Variants in ZMAT4 observed in about 807,000 individuals in gnomAD.
The protein encoded by ZMAT4 is zinc finger matrin-type 4, also known as zinc finger matrin-type protein 4.
ZMAT4 carries 17 observed loss-of-function variants against 28.7 expected under a neutral mutation model. The observed-to-expected ratio is 0.59, with a 90% confidence interval of 0.41 to 0.89. The LOEUF (loss-of-function observed/expected upper bound fraction) is 0.89. Ranked by LOEUF, ZMAT4 falls within the 40% of genes least tolerant of loss-of-function variation. The pLI is 0.00. For synonymous variants in ZMAT4, 117 were observed against 109.2 expected (o/e 1.07, Z -0.44); for missense variants, 240 against 283.8 (o/e 0.85, Z 1.11).
chr8:40,601,429 G>A (rs866891304), intron 5 of ZMAT4, among the ~76,000 whole-genome samples: 1 of 103,054 alleles, frequency 9.7e-6, no homozygotes, highest in Non-Finnish European at 1.8e-5. Flanking sequence ...AGGAAGGAAG[G>A]AAGGAAGGAA....
At chr8:40,551,730 C>G (rs1213814787) in intron 6 of ZMAT4, among the ~76,000 whole-genome samples, 3 of 152,166 alleles carry the variant, frequency 2.0e-5, no homozygotes, top group Admixed American at 2.0e-4. Context: ...TAATACTAGT[C>G]TCTCACTTAG....
At chr8:40,565,352 G>C (rs995405650) in intron 6 of ZMAT4, among the ~76,000 whole-genome samples, 1 of 147,722 alleles carries the variant, frequency 6.8e-6, no homozygotes. Flanking sequence ...CAACACAACA[G>C]CAAGTGCTGG....
intron 2 of ZMAT4, among the ~76,000 whole-genome samples, chr8:40,776,010 T>C (rs1399845000): frequency 6.6e-6 from 1 of 152,176 alleles, no homozygotes; most frequent in East Asian, 1.9e-4. Context: ...AAACCGACCC[T>C]GCTGCCACCT....
chr8:40,709,185 A>G (rs1376557915), intron 3 of ZMAT4, among the ~76,000 whole-genome samples: 2 of 152,098 alleles, frequency 1.3e-5, no homozygotes, highest in Non-Finnish European at 2.9e-5. Flanking sequence ...GAGAATATAA[A>G]TGCTATGCTA....
chr8:40,820,450 T>G (rs933732445), intron 2 of ZMAT4, among the ~76,000 whole-genome samples: 5 of 149,424 alleles, frequency 3.3e-5, no homozygotes, highest in East Asian at 2.0e-4. Context: ...TATTTGTGTG[T>G]GGGGTGTCTG....
intron 1 of ZMAT4, among the ~76,000 whole-genome samples, chr8:40,845,378 G>A (rs1252725030): frequency 2.0e-5 from 3 of 152,104 alleles, no homozygotes; most frequent in Non-Finnish European, 4.4e-5. Context: ...CACAGAAGAG[G>A]ACAAAAAGTT....
At chr8:40,780,762 C>T (rs1294946946) in intron 2 of ZMAT4, among the ~76,000 whole-genome samples, 1 of 151,986 alleles carries the variant, frequency 6.6e-6, no homozygotes, top group Non-Finnish European at 1.5e-5. Context: ...ATGTAATGTA[C>T]CACATTTATA....
chr8:40,654,312 G>A (rs1018563568), intron 5 of ZMAT4, among the ~76,000 whole-genome samples: 2 of 152,054 alleles, frequency 1.3e-5, no homozygotes, highest in African/African-American at 4.8e-5. Flanking sequence ...GTTCTGGATA[G>A]TGGTCCTCAC....
At chr8:40,715,193 G>C (rs1810797507) in intron 3 of ZMAT4, among the ~76,000 whole-genome samples, 1 of 152,164 alleles carries the variant, frequency 6.6e-6, no homozygotes, top group Non-Finnish European at 1.5e-5. Context: ...GAGAGGCCTT[G>C]AGCATGAGGT....
intron 5 of ZMAT4, among the ~76,000 whole-genome samples, chr8:40,600,582 T>C (rs1405016509): frequency 6.6e-6 from 1 of 152,224 alleles, no homozygotes; most frequent in Admixed American, 6.5e-5. Flanking sequence ...GAGGAAGTTC[T>C]AATTCTATGC....
intron 6 of ZMAT4, among the ~76,000 whole-genome samples, chr8:40,573,656 A>G (rs991100070): frequency 3.3e-5 from 5 of 152,194 alleles, no homozygotes; most frequent in African/African-American, 1.2e-4. Context: ...CACTATACAT[A>G]CAAAGTGCTA....
At chr8:40,812,776 CA>C (rs1202920184) in intron 2 of ZMAT4, among the ~76,000 whole-genome samples, 7 of 151,754 alleles carry the variant, frequency 4.6e-5, no homozygotes, top group Admixed American at 2.0e-4. Flanking sequence ...ATTAAAAATA[CA>C]AAAAATTAGC....
chr8:40,879,395 C>A (rs1818145397), intron 1 of ZMAT4, among the ~76,000 whole-genome samples: 1 of 152,174 alleles, frequency 6.6e-6, no homozygotes, highest in African/African-American at 2.4e-5. Context: ...TGCACTCCAG[C>A]CTGGGCAACA....
chr8:40,862,971 TA>T (rs869063889), intron 1 of ZMAT4, among the ~76,000 whole-genome samples: 116 of 147,162 alleles, frequency 7.9e-4, no homozygotes, highest in Admixed American at 2.4e-3. Context: ...AAATATAATT[TA>T]AAAAAAAAAG....
chr8:40,659,302 C>G lies in ZMAT4; in HGVS notation c.577+15402G>C, dbSNP rs916668482. On this transcript the variant is annotated intron_variant, in intron 5 of 6. Coordinates refer to ENST00000297737, the MANE Select transcript of ZMAT4 (RefSeq NM_024645.3). ...GAGTCAATAAATTTAGTAGACATTGCCCCTTGAGGGTAGAGAGCAAGTTTT... is the reference window on the plus strand; with the variant it reads ...GAGTCAATAAATTTAGTAGACATTGGCCCTTGAGGGTAGAGAGCAAGTTTT... 3.9e-5 allele frequency among the ~76,000 whole-genome samples: 6 copies of G among 152,106 alleles called. No homozygotes were observed. The South Asian group carries it at 1.2e-3, about 31-fold the overall frequency.
chr8:40,662,495 T>C (rs1217365393), intron 5 of ZMAT4, among the ~76,000 whole-genome samples: 1 of 152,138 alleles, frequency 6.6e-6, no homozygotes, highest in Admixed American at 6.5e-5. Context: ...AGTGCAAAAA[T>C]GATTTCATTT....
chr8:40,717,393 G>A (rs1277072509), intron 3 of ZMAT4, among the ~76,000 whole-genome samples: 1 of 152,118 alleles, frequency 6.6e-6, no homozygotes, highest in Non-Finnish European at 1.5e-5. Context: ...AGTGGCTCAC[G>A]CCTGTAATCC....
rs115859601 is a variant in ZMAT4, at chr8:40,820,243, C to T, written c.102+5332G>A. ...ATTTGTGTATGTGTGTGTACGTGTG[C>T]GCATATATGTGAGTATTGGTGTGTG... On this transcript the variant is annotated intron_variant, in intron 2 of 6. Transcript: ENST00000297737. Among the ~76,000 whole-genome samples, 923 of 137,856 alleles carry T rather than the reference C, an allele frequency of 6.7e-3. 8 individuals are homozygous for T. Among genetic ancestry groups the T allele is most frequent in the African/African-American group, 0.013 (487 of 37,146 alleles). 90.4% of individuals were successfully genotyped at this position (137,856 alleles called of 152,430 possible).
chr8:40,670,865 A>G (rs564270293), intron 5 of ZMAT4, among the ~76,000 whole-genome samples: 1 of 152,132 alleles, frequency 6.6e-6, no homozygotes, highest in East Asian at 1.9e-4. Context: ...TCAAGAGATC[A>G]AGACCATCCT....
Sources: gnomAD v4.1 joint callset for allele counts (sites outside exome capture counted in the v4.1 genomes callset) on GRCh38, gnomAD v4.1.1 for gene constraint, MANE v1.5 for transcripts, NCBI Gene and HGNC (gene_info 2026-07-23, HGNC 2026-07-21) for gene names.